IL15RA: variants seen among roughly 807,000 people sequenced by gnomAD.
The protein encoded by IL15RA is interleukin 15 receptor subunit alpha.
Under a neutral mutation model 24.2 loss-of-function variants are expected in IL15RA, and 26 were observed. That is an observed-to-expected ratio of 1.07 (90% confidence interval 0.79 to 1.49). The LOEUF (loss-of-function observed/expected upper bound fraction) is 1.49, where lower values mean the gene tolerates loss of function less well. IL15RA is among the 40% of genes most tolerant of loss of function. The probability of loss-of-function intolerance (pLI) is 0.00; values close to 1 mark genes in which losing one functional copy is unlikely to be tolerated. For missense variants in IL15RA, 354 were observed against 356.4 expected (o/e 0.99, Z 0.05); for synonymous variants, 166 against 157.6 (o/e 1.05, Z -0.40).
intron 5 of IL15RA, among the ~76,000 whole-genome samples, chr10:5,957,400 C>T (rs796408468): frequency 3.3e-5 from 5 of 151,656 alleles, no homozygotes; most frequent in South Asian, 2.1e-4. Flanking sequence ...CTCAGCCTCC[C>T]GAGTAGCTGG....
chr10:5,977,945 T>A (rs1404394272), upstream of IL15RA: 1 of 222,810 alleles, frequency 4.5e-6, no homozygotes, highest in African/African-American at 2.3e-5. Context: ...CGCCCGGCGC[T>A]GGTCGCCTCC....
intron 5 of IL15RA, among the ~76,000 whole-genome samples, chr10:5,957,318 CA>C (rs1470207877): frequency 6.6e-6 from 1 of 151,490 alleles, no homozygotes; most frequent in Non-Finnish European, 1.5e-5. Flanking sequence ...TTTTGTTGCC[CA>C]AACTGGAGTG....
At position 5,977,385 on chromosome 10, in the gene IL15RA, C is replaced by T. The variant is rs1838630177; in HGVS notation, c.88+20G>A. 3 of 1,217,742 alleles carry T rather than the reference C, an allele frequency of 2.5e-6. No individual in the cohort carries two copies. Among genetic ancestry groups the T allele is most frequent in the Admixed American group, 4.2e-5 (1 of 23,952 alleles). The allele number at this position is 1,217,742 out of a possible 1,614,324, so 75.4% of individuals were successfully genotyped here. ...CCCCTTCCAAGTCCCGCCCGGGCGC[C>T]CCTGCTCCCAGCTCCCTACCCCGCG... On this transcript the variant is annotated intron_variant, in intron 1 of 6. Coordinates refer to ENST00000379977, the MANE Select transcript of IL15RA (RefSeq NM_002189.4).
chr10:5,957,385 C>A (rs892787274), intron 5 of IL15RA, among the ~76,000 whole-genome samples: 10 of 152,122 alleles, frequency 6.6e-5, no homozygotes, highest in Non-Finnish European at 1.2e-4. Context: ...AAGCAATTCT[C>A]CTGCCTCAGC....
chr10:5,964,314 A>G lies in IL15RA; in HGVS notation c.284-473T>C, dbSNP rs970107950. ...GCTGGGACTACATGTACGTGCCTCA[A>G]TGCCCAGGTAATTTTTATCTTTTAA... On this transcript the variant is annotated intron_variant, in intron 2 of 6. Coordinates refer to ENST00000379977, the MANE Select transcript of IL15RA (RefSeq NM_002189.4). This position sits in a 1 kb window ranked among gnomAD's most constrained non-coding sequence, Gnocchi z 5.6. Among the ~76,000 whole-genome samples, 7 of 152,224 alleles carry G rather than the reference A, an allele frequency of 4.6e-5. No individual in the cohort carries two copies. The South Asian group carries it at 1.0e-3, about 23-fold the overall frequency.
chr10:5,964,915 C>T lies in IL15RA; in HGVS notation c.284-1074G>A, dbSNP rs8177780. On this transcript the variant is annotated intron_variant, in intron 2 of 6. Transcript: ENST00000379977. This position sits in a 1 kb window ranked among gnomAD's most constrained non-coding sequence, Gnocchi z 5.6. ...CAGCGAGTGATTTCTTGGAACAAGT[C>T]GGAGGCTTCCTCCCTGCCTTCCCTC... Among the ~76,000 whole-genome samples, 1 of 152,192 alleles carries T rather than the reference C, an allele frequency of 6.6e-6. No homozygotes were observed. Among genetic ancestry groups the T allele is most frequent in the Non-Finnish European group, 1.5e-5 (1 of 68,022 alleles).
In IL15RA at chr10:5,958,539, C is replaced by G. The variant is rs548375503; in HGVS notation, c.616+1215G>C. On this transcript the variant is annotated intron_variant, in intron 5 of 6. Coordinates refer to ENST00000379977, the MANE Select transcript of IL15RA (RefSeq NM_002189.4). The surrounding 1 kb of genome is among the most constrained non-coding windows in gnomAD (Gnocchi z 4.3). ...TAGGTGGGACTACAGGCATGTGCCACCATGTCTGGCTAATTTTTTGTATTT... is the reference window on the plus strand; with the variant it reads ...TAGGTGGGACTACAGGCATGTGCCAGCATGTCTGGCTAATTTTTTGTATTT... Among the ~76,000 whole-genome samples the G allele has an allele frequency of 1.3e-5, 2 of 152,226 alleles. No individual in the cohort carries two copies. The highest frequency in any genetic ancestry group is 4.8e-5 in the African/African-American group (2 of 41,540).
At chr10:5,977,212 C>T in intron 1 of IL15RA, 193 bp downstream of exon 1, 3 of 359,358 alleles carry the variant, frequency 8.3e-6, no homozygotes, top group Non-Finnish European at 1.5e-5. Flanking sequence ...CTCCCTGCGA[C>T]CCCGGCTCCC....
In IL15RA at chr10:5,953,377, C is replaced by G. The variant is rs964040414; in HGVS notation, c.693-171G>C. 1 of 714,840 alleles carries G rather than the reference C, an allele frequency of 1.4e-6. No homozygotes were observed. Among genetic ancestry groups the G allele is most frequent in the Non-Finnish European group, 2.6e-6 (1 of 385,856 alleles). The allele number at this position is 714,840 out of a possible 1,614,324, so 44.3% of individuals were successfully genotyped here. A position where few individuals can be genotyped will look rare whatever the true frequency, so the allele number is the denominator to read the frequency against. The stretch of plus-strand genomic sequence containing the variant: ...ACTTAGTCCTCAGAGATGGAGAGAA[C>G]CTAGAATGCCTACCTCTACCGAGTG... On this transcript the variant is annotated intron_variant, in intron 6 of 6. Coordinates refer to ENST00000379977, the MANE Select transcript of IL15RA (RefSeq NM_002189.4). This position sits in a 1 kb window ranked among gnomAD's most constrained non-coding sequence, Gnocchi z 5.3.
chr10:5,959,668 G>C lies in IL15RA; in HGVS notation c.616+86C>G, dbSNP rs912865931. 78 of 1,166,670 alleles carry C rather than the reference G, an allele frequency of 6.7e-5. 2 individuals are homozygous for C. The highest frequency in any genetic ancestry group is 4.1e-4 in the South Asian group (33 of 81,460). 72.3% of individuals were successfully genotyped at this position (1,166,670 alleles called of 1,614,324 possible). A position where few individuals can be genotyped will look rare whatever the true frequency, so the allele number is the denominator to read the frequency against. On this transcript the variant is annotated intron_variant, in intron 5 of 6. Coordinates refer to ENST00000379977, the MANE Select transcript of IL15RA (RefSeq NM_002189.4). The surrounding 1 kb of genome is among the most constrained non-coding windows in gnomAD (Gnocchi z 4.1). ...GGGCTGCTGTCAGGGCTGTGCTGGG[G>C]CAGCGGGCCTGGGCCAGGACCACCC...
At chr10:5,956,763 C>T (rs1364444600) in intron 5 of IL15RA, among the ~76,000 whole-genome samples, 1 of 152,132 alleles carries the variant, frequency 6.6e-6, no homozygotes, top group Non-Finnish European at 1.5e-5. Flanking sequence ...CAGTAAGAGC[C>T]TCAAGGGCAA....
At position 5,956,398 on chromosome 10, in the gene IL15RA, C is replaced by A; in HGVS notation, c.673G>T (p.Ala225Ser). The change falls in exon 6 of 7, where the codon GCA becomes TCA. Residue 225 changes from alanine to serine, a missense_variant. Ala to Ser is a moderately conservative substitution (Grantham distance 99). Coordinates refer to ENST00000379977, the MANE Select transcript of IL15RA (RefSeq NM_002189.4). The part of the protein sequence containing the change: ...LCGLSAVSLL[A>S]CYLKSRQTPP... ...ACTCACCTTGACTTGAGGTAGCATGCCAGGAGAGACACAGCGCTCAGCCCA... is the reference window on the plus strand; with the variant it reads ...ACTCACCTTGACTTGAGGTAGCATGACAGGAGAGACACAGCGCTCAGCCCA... 1 of 1,613,736 alleles carries A rather than the reference C, an allele frequency of 6.2e-7. No homozygotes were observed. The highest frequency in any genetic ancestry group is 1.7e-5 in the Admixed American group (1 of 60,002).
Position 5,968,476 on chromosome 10 carries a change from C to A in IL15RA, c.89-2137G>T. 1 of 361,622 alleles carries A rather than the reference C, an allele frequency of 2.8e-6. No individual in the cohort carries two copies. Among genetic ancestry groups the A allele is most frequent in the Non-Finnish European group, 5.1e-6 (1 of 194,388 alleles). The allele number at this position is 361,622 out of a possible 1,614,324, so 22.4% of individuals were successfully genotyped here. A position where few individuals can be genotyped will look rare whatever the true frequency, so the allele number is the denominator to read the frequency against. On this transcript the variant is annotated intron_variant, in intron 1 of 6. Coordinates refer to ENST00000379977, the MANE Select transcript of IL15RA (RefSeq NM_002189.4). This position sits in a 1 kb window ranked among gnomAD's most constrained non-coding sequence, Gnocchi z 5.4. ...GTCTCAGGCATCTATTGTCCAGTGG[C>A]CGCCACTACTCCCCATTCCAATGAG... is the stretch of plus-strand genomic sequence containing the variant.
At chr10:5,951,063 A>C (rs1833826965), downstream of IL15RA, among the ~76,000 whole-genome samples, 1 of 139,208 alleles carries the variant, frequency 7.2e-6, no homozygotes, top group Non-Finnish European at 1.5e-5. Context: ...AATGGCATGG[A>C]CCCAGGAGGC....
upstream of IL15RA, among the ~76,000 whole-genome samples, chr10:5,978,693 C>G (rs770648964): frequency 6.6e-6 from 1 of 152,098 alleles, no homozygotes; most frequent in Non-Finnish European, 1.5e-5. This position sits in a 1 kb window ranked among gnomAD's most constrained non-coding sequence, Gnocchi z 5.2. Context: ...GTCAGGAATT[C>G]GAGACTAGCC....
At position 5,962,616 on chromosome 10, in the gene IL15RA, C is replaced by T. The variant is rs1050891189; in HGVS notation, c.382+1127G>A. Among the ~76,000 whole-genome samples, 8 of 150,756 alleles carry T rather than the reference C, an allele frequency of 5.3e-5. No individual in the cohort carries two copies. Among genetic ancestry groups the T allele is most frequent in the African/African-American group, 2.0e-4 (8 of 40,920 alleles). On this transcript the variant is annotated intron_variant, in intron 3 of 6. Coordinates refer to ENST00000379977, the MANE Select transcript of IL15RA (RefSeq NM_002189.4). The surrounding 1 kb of genome is among the most constrained non-coding windows in gnomAD (Gnocchi z 5.2). ...CAAAAAAAAAAAAAAAAAAGATCCA[C>T]CTGGGGCTGGAGAGGCGTGAGTCCC...
intron 1 of IL15RA, chr10:5,969,076 G>A (rs934917946): frequency 9.0e-7 from 1 of 1,114,260 alleles, no homozygotes; most frequent in Non-Finnish European, 1.3e-6. Flanking sequence ...CGATCTATGT[G>A]TCTGTTTGTT....
Position 5,967,308 on chromosome 10 carries a change from G to T in IL15RA, c.89-969C>A, listed in dbSNP as rs1298689764. The stretch of plus-strand genomic sequence containing the variant: ...CAACCTCCACCTCCTGGGTTCAAGC[G>T]ATTCTCCTGCCTCAGCCTCCTGAAT... On this transcript the variant is annotated intron_variant, in intron 1 of 6. Coordinates refer to ENST00000379977, the MANE Select transcript of IL15RA (RefSeq NM_002189.4). This position sits in a 1 kb window ranked among gnomAD's most constrained non-coding sequence, Gnocchi z 4.4. Among the ~76,000 whole-genome samples the T allele has an allele frequency of 6.6e-6, 1 of 152,176 alleles. No individual in the cohort carries two copies. The highest frequency in any genetic ancestry group is 2.1e-4 in the South Asian group (1 of 4,830).
rs761604163 is a variant in IL15RA, at chr10:5,970,231, G to C, written c.89-3892C>G. Among the ~76,000 whole-genome samples, 1 of 151,964 alleles carries C rather than the reference G, an allele frequency of 6.6e-6. No individual in the cohort carries two copies. Among genetic ancestry groups the C allele is most frequent in the Non-Finnish European group, 1.5e-5 (1 of 68,002 alleles). The stretch of plus-strand genomic sequence containing the variant: ...TTTACCTTATCACAGTTTTCCTTCC[G>C]GTGATGTTATACCACCACATACATA... On this transcript the variant is annotated intron_variant, in intron 1 of 6. Coordinates refer to ENST00000379977, the MANE Select transcript of IL15RA (RefSeq NM_002189.4). The surrounding 1 kb of genome is among the most constrained non-coding windows in gnomAD (Gnocchi z 4.1).
Sources: allele counts gnomAD v4.1 joint callset (sites outside exome capture counted in the v4.1 genomes callset), GRCh38; gene constraint gnomAD v4.1.1; non-coding constraint Gnocchi (gnomAD v3.1); transcripts MANE v1.5; gene names NCBI Gene and HGNC (gene_info 2026-07-23, HGNC 2026-07-21).